DSG1: variants seen among roughly 807,000 people sequenced by gnomAD.
The protein encoded by DSG1 is desmoglein 1.
DSG1 carries 39 observed loss-of-function variants against 97.5 expected under a neutral mutation model. The ratio of observed to expected loss-of-function variants is 0.40; its 90% CI spans 0.31 to 0.52. DSG1 has a LOEUF of 0.52. Ranked by LOEUF, DSG1 falls within the 20% of genes least tolerant of loss-of-function variation. The pLI, the probability that DSG1 is intolerant of heterozygous loss-of-function variation, is 0.53. For missense variants in DSG1, 1,311 were observed against 1,295.4 expected, an observed-to-expected ratio of 1.01 and a Z score of -0.18; for synonymous variants, 475 against 443.4, an observed-to-expected ratio of 1.07 and a Z score of -0.90.
intron 8 of DSG1, among the ~76,000 whole-genome samples, chr18:31,336,056 C>T (rs7237383): frequency 1.3e-5 from 2 of 151,512 alleles, no homozygotes; most frequent in African/African-American, 4.8e-5. Context: ...AAAATACATA[C>T]ATTTGACTAT....
At chr18:31,341,052 G>GT (rs1179890816) in intron 11 of DSG1, among the ~76,000 whole-genome samples, 2 of 152,214 alleles carry the variant, frequency 1.3e-5, no homozygotes, top group Non-Finnish European at 2.9e-5. Context: ...GGTAGCACTA[G>GT]TCAAGGGTCT....
chr18:31,321,373 G>A (rs2071652846), intron 1 of DSG1, among the ~76,000 whole-genome samples: 1 of 152,048 alleles, frequency 6.6e-6, no homozygotes, highest in Non-Finnish European at 1.5e-5. Flanking sequence ...GCAAAAGAGA[G>A]AGCTCTTTGT....
At chr18:31,348,598 G>C (rs984119167) in intron 14 of DSG1, among the ~76,000 whole-genome samples, 1 of 151,486 alleles carries the variant, frequency 6.6e-6, no homozygotes, top group African/African-American at 2.4e-5. Context: ...GTGTAAAAGT[G>C]TTCCTATTTC....
chr18:31,330,080 A>G, intron 5 of DSG1, 44 bp downstream of exon 5: 16 of 1,607,170 alleles, frequency 1.0e-5, no homozygotes, highest in Non-Finnish European at 1.4e-5. Context: ...ACAGCCAGGC[A>G]CCTAACTGGA....
chr18:31,331,346 G>A (rs555548834), intron 5 of DSG1, among the ~76,000 whole-genome samples: 1 of 152,176 alleles, frequency 6.6e-6, no homozygotes, highest in South Asian at 2.1e-4. Context: ...GCTAGAAAGT[G>A]TTGAGAAAGT....
chr18:31,358,328 A>G lies in DSG1; in HGVS notation c.*2982A>G, dbSNP rs1402357811. 1.3e-5 allele frequency among the ~76,000 whole-genome samples: 2 copies of G among 152,000 alleles called. No homozygotes were observed. Among genetic ancestry groups the G allele is most frequent in the African/African-American group, 4.8e-5 (2 of 41,430 alleles). On this transcript the variant is annotated 3_prime_UTR_variant, in exon 15 of 15. Coordinates refer to ENST00000257192, the MANE Select transcript of DSG1 (RefSeq NM_001942.4). Reference sequence around the variant, plus strand: ...ATTACAGATATATCTGCTACATATTATTTACTTCTAAGCATGTTGTCTGAT... The same window carrying G: ...ATTACAGATATATCTGCTACATATTGTTTACTTCTAAGCATGTTGTCTGAT...
At chr18:31,339,703 A>G (rs1157414061) in intron 10 of DSG1, 41 bp from the exon 11 acceptor site, 2 of 1,496,788 alleles carry the variant, frequency 1.3e-6, no homozygotes, top group African/African-American at 1.4e-5. Flanking sequence ...TTCCTACACT[A>G]AATGTCTAAA....
intron 14 of DSG1, among the ~76,000 whole-genome samples, chr18:31,350,405 T>A (rs2071884731): frequency 1.6e-5 from 2 of 124,992 alleles, no homozygotes; most frequent in African/African-American, 6.4e-5. Flanking sequence ...TCAATGTTCA[T>A]CAAGGATATT....
At chr18:31,346,584 C>T (rs1197534514) in intron 14 of DSG1, among the ~76,000 whole-genome samples, 1 of 151,982 alleles carries the variant, frequency 6.6e-6, no homozygotes, top group East Asian at 1.9e-4. Flanking sequence ...TATCCTGTGC[C>T]CCTCCTGGAA....
At chr18:31,339,376 T>C (rs2071774222) in intron 10 of DSG1, among the ~76,000 whole-genome samples, 1 of 152,080 alleles carries the variant, frequency 6.6e-6, no homozygotes, top group Non-Finnish European at 1.5e-5. Flanking sequence ...CAAAAGATCA[T>C]TTTTAAAAAT....
At chr18:31,323,957 G>A (rs920623644) in intron 1 of DSG1, among the ~76,000 whole-genome samples, 13 of 139,640 alleles carry the variant, frequency 9.3e-5, no homozygotes, top group Admixed American at 2.2e-4. Context: ...TCTCTCTTTC[G>A]CCACTCCTTC....
chr18:31,328,896 T>C (rs1403707625), intron 4 of DSG1, among the ~76,000 whole-genome samples: 3 of 152,126 alleles, frequency 2.0e-5, no homozygotes, highest in African/African-American at 4.8e-5. Context: ...CATTCTTAAG[T>C]GAATCTCACT....
intron 1 of DSG1, among the ~76,000 whole-genome samples, chr18:31,319,727 C>T (rs140677837): frequency 8.5e-5 from 13 of 152,260 alleles, no homozygotes; most frequent in African/African-American, 3.1e-4. Flanking sequence ...TGTACACTAA[C>T]TTTCATAGAA....
intron 9 of DSG1, among the ~76,000 whole-genome samples, chr18:31,337,066 G>T (rs1007349198): frequency 2.6e-5 from 4 of 152,052 alleles, no homozygotes; most frequent in African/African-American, 7.2e-5. Context: ...GTGAAAATTC[G>T]GTTATATTAA....
intron 1 of DSG1, among the ~76,000 whole-genome samples, chr18:31,324,792 C>T (rs1302922978): frequency 6.6e-6 from 1 of 152,158 alleles, no homozygotes; most frequent in East Asian, 1.9e-4. Flanking sequence ...AACTGCTCAC[C>T]GTCTGTAATC....
intron 14 of DSG1, among the ~76,000 whole-genome samples, chr18:31,348,417 C>T (rs371540080): frequency 7.9e-5 from 12 of 151,816 alleles, no homozygotes; most frequent in Middle Eastern, 3.4e-3. Flanking sequence ...TGAATAATGC[C>T]GCAATAAACA....
chr18:31,346,923 G>A (rs2071843687), intron 14 of DSG1, among the ~76,000 whole-genome samples: 1 of 152,116 alleles, frequency 6.6e-6, no homozygotes, highest in African/African-American at 2.4e-5. Flanking sequence ...CCAAAACATT[G>A]TAAGAACGAG....
rs552545342 is a variant in DSG1, at chr18:31,336,744, G to A, written c.1265+131G>A. 7.9e-6 allele frequency: 8 copies of A among 1,009,722 alleles called. No individual in the cohort carries two copies. The Middle Eastern group carries it at 8.9e-4, about 112-fold the overall frequency. 62.5% of individuals were successfully genotyped at this position (1,009,722 alleles called of 1,614,324 possible). A position where few individuals can be genotyped will look rare whatever the true frequency, so the allele number is the denominator to read the frequency against. On this transcript the variant is annotated intron_variant, in intron 9 of 14. Transcript: ENST00000257192. ...TGAAACTATCATTTAATTGTAAAAA[G>A]TACTATAAACTGTGCATTTAAAATG...
chr18:31,353,195 A>AC (rs2071915611), intron 14 of DSG1, among the ~76,000 whole-genome samples: 1 of 145,136 alleles, frequency 6.9e-6, no homozygotes, highest in African/African-American at 2.6e-5. Flanking sequence ...AACAGAGAGG[A>AC]CCCTCAGCTG....
Sources: allele counts gnomAD v4.1 joint callset (sites outside exome capture counted in the v4.1 genomes callset), GRCh38; gene constraint gnomAD v4.1.1; transcripts MANE v1.5; gene names NCBI Gene and HGNC (gene_info 2026-07-23, HGNC 2026-07-21).